PTDSS1: variants seen among roughly 807,000 people sequenced by gnomAD.
PTDSS1 encodes the protein PSS-1.
In PTDSS1, 45 loss-of-function variants were observed where a neutral mutation model predicts 70.5. The observed-to-expected ratio is 0.64, with a 90% confidence interval of 0.50 to 0.82. PTDSS1 has a LOEUF of 0.82. Among genes scored for constraint, PTDSS1 ranks in the 40% least tolerant of loss-of-function variants. The probability of loss-of-function intolerance (pLI) is 0.00; values close to 1 mark genes in which losing one functional copy is unlikely to be tolerated. For missense variants in PTDSS1, 417 were observed against 586.1 expected (o/e 0.71, Z 2.98); for synonymous variants, 188 against 203.8 (o/e 0.92, Z 0.66).
intron 10 of PTDSS1, 22 bp from the exon 11 acceptor site, chr8:96,330,191 A>G (rs1309111230): frequency 1.3e-6 from 2 of 1,598,316 alleles, no homozygotes; most frequent in Admixed American, 1.7e-5. Flanking sequence ...TTTGTGCAGC[A>G]TCATTTGTTT....
rs181978528 is a variant in PTDSS1, at chr8:96,323,334, C to G, written c.1173+2989C>G. Reference sequence around the variant, plus strand: ...CCTTGGCATTGCCCTAGTATTGGCTCTCTGCAGTGGCACTGCCCCTGTGGC... The same window carrying G: ...CCTTGGCATTGCCCTAGTATTGGCTGTCTGCAGTGGCACTGCCCCTGTGGC... On this transcript the variant is annotated intron_variant, in intron 10 of 12. Transcript: ENST00000517309. 1.8e-4 allele frequency among the ~76,000 whole-genome samples: 27 copies of G among 152,358 alleles called. No individual in the cohort carries two copies. The East Asian group carries it at 5.0e-3, about 28-fold the overall frequency.
chr8:96,303,893 CCTTTGAGACACAATTCA>C, intron 6 of PTDSS1, 130 bp from the exon 7 acceptor site: 1 of 874,802 alleles, frequency 1.1e-6, no homozygotes, highest in Non-Finnish European at 1.7e-6. Context: ...TATAGAGAGA[CCTTTGAGACACAATTCA>C]AATAAAAAGC....
chr8:96,301,704 C>T (rs908672390), intron 6 of PTDSS1, among the ~76,000 whole-genome samples: 4 of 150,572 alleles, frequency 2.7e-5, no homozygotes, highest in Admixed American at 6.6e-5. Context: ...TTAGGAGAAA[C>T]GGGGTTTCTC....
rs1365732047 is a variant in PTDSS1, at chr8:96,295,150, T to G, written c.494T>G (p.Phe165Cys). ...VITWERIISH[F>C]DIFAFGHFWG... ...ACCTGGGAGAGGATTATCAGCCACT[T>G]TGATATTTTTGCATTTGGACATTTC... is the stretch of plus-strand genomic sequence containing the variant. The change falls in exon 5 of 13, where the codon TTT becomes TGT. Residue 165 changes from phenylalanine to cysteine, a missense_variant. This residue lies in a region of PTDSS1 where 272 missense variants were observed against 429.5 expected (regional missense o/e 0.63). Transcript: ENST00000517309. 6.2e-7 allele frequency: 1 copy of G among 1,614,180 alleles called. No homozygotes were observed. Among genetic ancestry groups the G allele is most frequent in the Non-Finnish European group, 8.5e-7 (1 of 1,179,992 alleles).
intron 4 of PTDSS1, among the ~76,000 whole-genome samples, chr8:96,287,787 A>G (rs1810845333): frequency 6.6e-6 from 1 of 152,118 alleles, no homozygotes; most frequent in Non-Finnish European, 1.5e-5. Flanking sequence ...AAACGACTCT[A>G]TTTTGGCTTT....
rs761332437 is a variant in PTDSS1, at chr8:96,273,296, C to T, written c.180-3C>T. ...ATGCTCAATGTTGTTTTTCTATTTTCAGGGATGACTCTGTTCCAGAAGACA... is the reference window on the plus strand; with the variant it reads ...ATGCTCAATGTTGTTTTTCTATTTTTAGGGATGACTCTGTTCCAGAAGACA... On this transcript the variant is annotated splice_region_variant and splice_polypyrimidine_tract_variant and intron_variant, in intron 1 of 12. Transcript: ENST00000517309. 8 of 1,586,900 alleles carry T rather than the reference C, an allele frequency of 5.0e-6. No homozygotes were observed. The Admixed American group carries it at 1.3e-4, about 26-fold the overall frequency.
At chr8:96,316,107 G>A (rs1193241138) in intron 9 of PTDSS1, among the ~76,000 whole-genome samples, 3 of 152,162 alleles carry the variant, frequency 2.0e-5, no homozygotes, top group Admixed American at 6.5e-5. Context: ...TGGTGGGGGC[G>A]ATGGCTGGTG....
At chr8:96,331,930 G>A (rs1811521796) in intron 12 of PTDSS1, among the ~76,000 whole-genome samples, 1 of 145,078 alleles carries the variant, frequency 6.9e-6, no homozygotes, top group Admixed American at 7.2e-5. Context: ...CATGCCTGTA[G>A]TTACAGCTAG....
At chr8:96,310,085 C>T (rs1027558411) in intron 9 of PTDSS1, among the ~76,000 whole-genome samples, 13 of 151,684 alleles carry the variant, frequency 8.6e-5, no homozygotes, top group South Asian at 4.2e-4. Context: ...GCCAAAGTCA[C>T]GCCACTGCAC....
Position 96,295,087 on chromosome 8 carries a change from A to G in PTDSS1, c.442-11A>G, listed in dbSNP as rs775404332. ...AGTTTCACTAATTATTCTCTTTTTT[A>G]TTTTAAATAGGAGTATGCTGTGAAC... On this transcript the variant is annotated splice_polypyrimidine_tract_variant and intron_variant, in intron 4 of 12. Transcript: ENST00000517309. 15 of 1,587,486 alleles carry G rather than the reference A, an allele frequency of 9.4e-6. No individual in the cohort carries two copies. Among genetic ancestry groups the G allele is most frequent in the South Asian group, 3.5e-5 (3 of 86,334 alleles).
At chr8:96,311,007 C>A (rs1339254675) in intron 9 of PTDSS1, among the ~76,000 whole-genome samples, 1 of 152,100 alleles carries the variant, frequency 6.6e-6, no homozygotes, top group Non-Finnish European at 1.5e-5. Flanking sequence ...CCTCGTGATC[C>A]ACCCACCTTC....
At chr8:96,275,870 C>G (rs1261764696) in intron 2 of PTDSS1, among the ~76,000 whole-genome samples, 1 of 152,174 alleles carries the variant, frequency 6.6e-6, no homozygotes, top group Non-Finnish European at 1.5e-5. Context: ...ATGCCATGAC[C>G]ATTATTGGTC....
intron 9 of PTDSS1, among the ~76,000 whole-genome samples, chr8:96,316,989 G>A (rs914683389): frequency 9.9e-5 from 15 of 150,976 alleles, no homozygotes; most frequent in Admixed American, 1.3e-4. Flanking sequence ...GTGAGACTCC[G>A]TCTAAATATA....
At chr8:96,285,430 G>A (rs1450911973) in intron 3 of PTDSS1, among the ~76,000 whole-genome samples, 1 of 152,146 alleles carries the variant, frequency 6.6e-6, no homozygotes, top group Admixed American at 6.5e-5. Context: ...ATGAAGGGCA[G>A]GGGGAAATCA....
chr8:96,332,820 C>G (rs1342746629), intron 12 of PTDSS1, among the ~76,000 whole-genome samples: 1 of 152,132 alleles, frequency 6.6e-6, no homozygotes, highest in Non-Finnish European at 1.5e-5. Context: ...TGGAGATTTC[C>G]TATGGGGCTG....
At chr8:96,303,805 G>A (rs1811083153) in intron 6 of PTDSS1, among the ~76,000 whole-genome samples, 1 of 152,120 alleles carries the variant, frequency 6.6e-6, no homozygotes, top group Non-Finnish European at 1.5e-5. Flanking sequence ...AGCAGTGGGA[G>A]AACAGTCTCC....
At chr8:96,278,966 G>GCCC (rs550080828) in intron 2 of PTDSS1, among the ~76,000 whole-genome samples, 18 of 136,838 alleles carry the variant, frequency 1.3e-4, no homozygotes, top group African/African-American at 4.6e-4. Flanking sequence ...ACACCATTCA[G>GCCC]CCCCCCTTTT....
intron 1 of PTDSS1, among the ~76,000 whole-genome samples, chr8:96,269,600 T>C (rs1810534963): frequency 6.6e-6 from 1 of 152,144 alleles, no homozygotes. Flanking sequence ...TGATCTTTCC[T>C]GAGAAGCAGG....
intron 8 of PTDSS1, among the ~76,000 whole-genome samples, chr8:96,307,295 CT>C (rs1212441638): frequency 6.6e-6 from 1 of 152,006 alleles, no homozygotes; most frequent in African/African-American, 2.4e-5. Flanking sequence ...AAAGAGTTAG[CT>C]TTTCAGAAGC....
Sources: allele counts gnomAD v4.1 joint callset (sites outside exome capture counted in the v4.1 genomes callset), GRCh38; gene constraint gnomAD v4.1.1; regional missense constraint gnomAD v4.1.1; transcripts MANE v1.5; gene names NCBI Gene and HGNC (gene_info 2026-07-23, HGNC 2026-07-21).